The following ASB2 variants were observed in gnomAD, a reference collection of about 807,000 sequenced individuals.
ASB2 encodes ankyrin repeat and SOCS box containing 2, also known as ankyrin repeat and SOCS box protein 2.
In ASB2, 58 loss-of-function variants were observed where a neutral mutation model predicts 62.4. The observed-to-expected ratio is 0.93, with a 90% CI of 0.75 to 1.16. ASB2 has a LOEUF of 1.16. ASB2 is among the 50% of genes most tolerant of loss of function. The pLI is 0.00. For missense variants in ASB2, 928 were observed against 887.9 expected, an observed-to-expected ratio of 1.05 and a Z score of -0.57; for synonymous variants, 386 against 385.3, an observed-to-expected ratio of 1.00 and a Z score of -0.02.
At chr14:93,942,011 T>C (rs1888544240) in intron 7 of ASB2, among the ~76,000 whole-genome samples, 1 of 152,082 alleles carries the variant, frequency 6.6e-6, no homozygotes. Flanking sequence ...AAGAGCAAAA[T>C]ACAGGTCTCT....
intron 5 of ASB2, among the ~76,000 whole-genome samples, chr14:93,952,018 C>A (rs1158309403): frequency 2.0e-5 from 3 of 152,154 alleles, no homozygotes; most frequent in African/African-American, 7.2e-5. Flanking sequence ...AATTAACCAG[C>A]CCTGGAAGCT....
intron 5 of ASB2, among the ~76,000 whole-genome samples, chr14:93,952,926 C>T (rs1357369739): frequency 2.6e-5 from 4 of 152,348 alleles, no homozygotes; most frequent in South Asian, 2.1e-4. Flanking sequence ...GAGGTACATG[C>T]TCTCGCATAC....
intron 3 of ASB2, among the ~76,000 whole-genome samples, chr14:93,954,736 G>A (rs1340841283): frequency 6.6e-6 from 1 of 152,210 alleles, no homozygotes; most frequent in Non-Finnish European, 1.5e-5. Context: ...CACAATGCCA[G>A]CCTCCTAGAG....
chr14:93,939,788 G>A, intron 7 of ASB2, 116 bp from the exon 8 acceptor site: 1 of 832,858 alleles, frequency 1.2e-6, no homozygotes, highest in Non-Finnish European at 1.7e-6. Flanking sequence ...CCTGACCGCG[G>A]GCTGCGACGC....
rs45580033 is a variant in ASB2 at position 93,964,365 on chromosome 14, G to A, written c.175C>T (p.Arg59Cys). Residue 59 changes from arginine to cysteine, a missense_variant, in exon 2 of 10, where the codon CGC (arginine) becomes TGC (cysteine). Arg to Cys is a radical substitution (Grantham distance 180). Coordinates refer to ENST00000555019, the MANE Select transcript of ASB2 (RefSeq NM_001202429.2). ...AEATASACTN[R>C]QPAHFYPWTR... Reference sequence around the variant, plus strand: ...CATGGGTAGAAATGGGCAGGTTGGCGGTTGGTACATGCAGACGCGGTGGCC... The same window carrying A: ...CATGGGTAGAAATGGGCAGGTTGGCAGTTGGTACATGCAGACGCGGTGGCC... 0.011 allele frequency: 17,445 copies of A among 1,536,142 alleles called. 117 individuals carry two copies. Among genetic ancestry groups the A allele is most frequent in the Non-Finnish European group, 0.013 (14,789 of 1,146,900 alleles).
chr14:93,941,036 T>C (rs1888498576), intron 7 of ASB2, among the ~76,000 whole-genome samples: 1 of 152,218 alleles, frequency 6.6e-6, no homozygotes, highest in Non-Finnish European at 1.5e-5. Context: ...CTGCCCATTT[T>C]ACCTTCACTT....
chr14:93,934,427 C>T lies in ASB2; in HGVS notation c.*229G>A. On this transcript the variant is annotated 3_prime_UTR_variant, in exon 10 of 10. Transcript: ENST00000555019. ...GAAGGTAGAGAAGGTCTGGGATCTG[C>T]TCATCAGTTTGTAAACAAATGATTC... 2 of 551,158 alleles carry T rather than the reference C, an allele frequency of 3.6e-6. No homozygotes were observed. Among genetic ancestry groups the T allele is most frequent in the South Asian group, 2.0e-5 (1 of 49,384 alleles). The allele number at this position is 551,158 out of a possible 1,614,324, so 34.1% of individuals were successfully genotyped here.
intron 6 of ASB2, 41 bp from the exon 7 acceptor site, chr14:93,947,561 G>T: frequency 1.2e-6 from 2 of 1,605,158 alleles, no homozygotes; most frequent in Non-Finnish European, 1.7e-6. Context: ...CAAGTGACCG[G>T]GAAGTTGCTG....
Position 93,964,591 on chromosome 14 carries a change from G to A in ASB2, c.-52C>T. The A allele has an allele frequency of 6.0e-6, 9 of 1,503,536 alleles. No homozygotes were observed. The highest frequency in any genetic ancestry group is 7.2e-6 in the Non-Finnish European group (8 of 1,117,824). The allele number at this position is 1,503,536 out of a possible 1,614,324, so 93.1% of individuals were successfully genotyped here. On this transcript the variant is annotated 5_prime_UTR_variant, in exon 2 of 10. Coordinates refer to ENST00000555019, the MANE Select transcript of ASB2 (RefSeq NM_001202429.2). ...CAGAACAGACACCCAGTGGGGAGGAGGGAACAGCAAATCAGAAAACCCTGT... is the reference window on the plus strand; with the variant it reads ...CAGAACAGACACCCAGTGGGGAGGAAGGAACAGCAAATCAGAAAACCCTGT...
chr14:93,947,722 C>T (rs1185175351), intron 6 of ASB2, among the ~76,000 whole-genome samples: 1 of 152,126 alleles, frequency 6.6e-6, no homozygotes, highest in East Asian at 1.9e-4. Flanking sequence ...CCTGGCCAGG[C>T]GTGGCTCATG....
intron 5 of ASB2, among the ~76,000 whole-genome samples, chr14:93,952,271 C>T: frequency 6.6e-6 from 1 of 152,366 alleles, no homozygotes; most frequent in African/African-American, 2.4e-5. Flanking sequence ...GGTGTGCTTG[C>T]AAGACCAGGG....
chr14:93,934,893 G>C, intron 9 of ASB2, 101 bp from the exon 10 acceptor site: 1 of 1,000,914 alleles, frequency 1.0e-6, no homozygotes, highest in Non-Finnish European at 1.6e-6. Flanking sequence ...AGCTGATGTG[G>C]CTGGGTAAGA....
At chr14:93,957,622 T>C (rs1417750568) in intron 2 of ASB2, among the ~76,000 whole-genome samples, 1 of 152,088 alleles carries the variant, frequency 6.6e-6, no homozygotes, top group African/African-American at 2.4e-5. Flanking sequence ...CCTGAGTAAG[T>C]GAATGGTGTG....
chr14:93,953,400 C>T lies in ASB2; in HGVS notation c.586G>A (p.Ala196Thr). ...DCLLSLLQAG[A>T]EPDISNKSRE... ...GATTTGTTGGAGATGTCCGGCTCTG[C>T]CCCTGCTTGGAGCAGTGACAGGAGA... The change falls in exon 5 of 10, where the codon GCA (alanine) becomes ACA (threonine). Residue 196 changes from alanine to threonine, a missense_variant. Transcript: ENST00000555019. 1.2e-6 allele frequency: 2 copies of T among 1,603,392 alleles called. No individual in the cohort carries two copies. The highest frequency in any genetic ancestry group is 2.2e-5 in the East Asian group (1 of 44,462).
Position 93,956,981 on chromosome 14 carries a change from T to TGAGA in ASB2, c.207-112_207-111insTCTC, listed in dbSNP as rs1555429443. On this transcript the variant is annotated intron_variant, in intron 2 of 9. Transcript: ENST00000555019. ...GAGGGAGAGCCAGGGAGAGACTGAC[T>TGAGA]GACAGACACAGGGCTCTGAACCAAA... 3 of 1,567,524 alleles carry TGAGA rather than the reference T, an allele frequency of 1.9e-6. No homozygotes were observed. The African/African-American group carries it at 4.0e-5, about 21-fold the overall frequency.
chr14:93,939,289 GGGAAGGC>G lies in ASB2; in HGVS notation c.1429_1435del (p.Ala477ProfsTer8). The stretch of plus-strand genomic sequence containing the variant: ...CTTCATGGCGAACATGATGGTGGCG[GGGAAGGC>G]GGTGGGGTGCGTGGCGATATAGGCG... On this transcript the variant is annotated frameshift_variant, in exon 8 of 10. Coordinates refer to ENST00000555019, the MANE Select transcript of ASB2 (RefSeq NM_001202429.2). LOFTEE classifies it high-confidence loss of function. 1 of 1,609,476 alleles carries G rather than the reference GGGAAGGC, an allele frequency of 6.2e-7. No individual in the cohort carries two copies. The highest frequency in any genetic ancestry group is 8.5e-7 in the Non-Finnish European group (1 of 1,176,752).
intron 9 of ASB2, among the ~76,000 whole-genome samples, chr14:93,936,779 C>T (rs1888285871): frequency 6.6e-6 from 1 of 152,204 alleles, no homozygotes; most frequent in African/African-American, 2.4e-5. Flanking sequence ...ATGACAATGA[C>T]CTGCTGCAGG....
At chr14:93,957,206 G>A (rs1889257545) in intron 2 of ASB2, 1 of 1,294,264 alleles carries the variant, frequency 7.7e-7, no homozygotes, top group East Asian at 3.4e-5. Context: ...TCACCCAGGA[G>A]GATGTGAGCC....
rs745524702 is a variant in ASB2 at position 93,950,998 on chromosome 14, C to T, written c.880+1G>A. On this transcript the variant is annotated splice_donor_variant, in intron 6 of 9. Coordinates refer to ENST00000555019, the MANE Select transcript of ASB2 (RefSeq NM_001202429.2). LOFTEE classifies it high-confidence loss of function. ...TGACCTAGGGACCCTTAGCCACTCA[C>T]CGTACTTGGCTAAGAACCTCAAGGC... is the stretch of plus-strand genomic sequence containing the variant. The T allele has an allele frequency of 5.0e-6, 8 of 1,612,072 alleles. No individual in the cohort carries two copies. The highest frequency in any genetic ancestry group is 6.8e-6 in the Non-Finnish European group (8 of 1,179,012).
Sources: gnomAD v4.1 joint callset for allele counts (sites outside exome capture counted in the v4.1 genomes callset) on GRCh38, gnomAD v4.1.1 for gene constraint, MANE v1.5 for transcripts, NCBI Gene and HGNC (gene_info 2026-07-23, HGNC 2026-07-21) for gene names.